The following OPRM1 variants were observed in gnomAD, a reference collection of about 807,000 sequenced individuals.
OPRM1 encodes the protein opioid receptor mu 1.
OPRM1 carries 27 observed loss-of-function variants against 31.8 expected under a neutral mutation model. That is an observed-to-expected ratio of 0.85 (90% confidence interval 0.63 to 1.17). The LOEUF (loss-of-function observed/expected upper bound fraction) is 1.17, where lower values mean the gene tolerates loss of function less well. Ranked by LOEUF, OPRM1 falls within the 50% of genes most tolerant of loss-of-function variation. The pLI is 0.00. For synonymous variants in OPRM1, 196 were observed against 189.9 expected, an observed-to-expected ratio of 1.03 and a Z score of -0.26; for missense variants, 536 against 511.1, an observed-to-expected ratio of 1.05 and a Z score of -0.47.
At chr6:154,133,510 T>C (rs770349720), downstream of OPRM1, among the ~76,000 whole-genome samples, 6 of 152,256 alleles carry the variant, frequency 3.9e-5, no homozygotes, top group Non-Finnish European at 8.8e-5. Context: ...CAGGTACACA[T>C]ATGCATGCAT....
At chr6:154,070,034 T>C (rs1786316937) in intron 1 of OPRM1, among the ~76,000 whole-genome samples, 1 of 152,092 alleles carries the variant, frequency 6.6e-6, no homozygotes, top group South Asian at 2.1e-4. Flanking sequence ...GAAAGAAATT[T>C]GTAATATTCG....
At chr6:154,010,885 T>G in exon 1 of OPRM1, 1 of 1,319,068 alleles carries the variant, frequency 7.6e-7, no homozygotes. Context: ...ATAAATGTAA[T>G]TCTATGAGAA....
rs567855165 is a variant in OPRM1 at position 154,029,380 on chromosome 6, C to T, written c.1-9781C>T. Among the ~76,000 whole-genome samples the T allele has an allele frequency of 2.0e-5, 3 of 152,180 alleles. No homozygotes were observed. The South Asian group carries it at 6.2e-4, about 32-fold the overall frequency. ...TCTAGAAAAACTTGCTGGTTCAGGA[C>T]AAATCTTGAAACTGCCTTCAAAAAA... On this transcript the variant is annotated intron_variant, in intron 1 of 5. Coordinates refer to the OPRM1 transcript ENST00000434900.
rs1223117674 is a variant in OPRM1 at position 154,118,867 on chromosome 6, C to T, written c.*146C>T. 2.0e-6 allele frequency: 3 copies of T among 1,494,534 alleles called. No individual in the cohort carries two copies. Among genetic ancestry groups the T allele is most frequent in the African/African-American group, 1.4e-5 (1 of 71,524 alleles). 92.6% of individuals were successfully genotyped at this position (1,494,534 alleles called of 1,614,324 possible). A position where few individuals can be genotyped will look rare whatever the true frequency, so the allele number is the denominator to read the frequency against. ...ATCCAACCTCTTTCCTCTCTGGCCA[C>T]TCTGCTCTGCACATTAGAGGGACAG... On this transcript the variant is annotated 3_prime_UTR_variant, in exon 4 of 4. Coordinates refer to ENST00000330432, the MANE Select transcript of OPRM1 (RefSeq NM_000914.5).
chr6:154,194,609 C>G (rs776493791), intron 3 of OPRM1, among the ~76,000 whole-genome samples: 5 of 152,156 alleles, frequency 3.3e-5, no homozygotes, highest in Non-Finnish European at 5.9e-5. Context: ...TCACCATCTC[C>G]CATACCTTTG....
At chr6:154,116,709 A>G (rs1796921391) in intron 3 of OPRM1, among the ~76,000 whole-genome samples, 1 of 152,192 alleles carries the variant, frequency 6.6e-6, no homozygotes, top group African/African-American at 2.4e-5. Context: ...TCTCAATGAC[A>G]TAATTTGCAC....
intron 3 of OPRM1, among the ~76,000 whole-genome samples, chr6:154,212,447 G>C (rs1367763615): frequency 6.6e-6 from 1 of 152,066 alleles, no homozygotes; most frequent in Non-Finnish European, 1.5e-5. Flanking sequence ...TTCTTCCTGA[G>C]AAAAAGTAGA....
intron 3 of OPRM1, among the ~76,000 whole-genome samples, chr6:154,194,776 A>C (rs982703810): frequency 6.6e-6 from 1 of 150,396 alleles, no homozygotes; most frequent in Non-Finnish European, 1.5e-5. Flanking sequence ...GCATAACTTC[A>C]TGACAACTCA....
At chr6:154,224,616 CAGG>C (rs1779113946) in intron 3 of OPRM1, among the ~76,000 whole-genome samples, 1 of 152,126 alleles carries the variant, frequency 6.6e-6, no homozygotes, top group East Asian at 1.9e-4. Context: ...GAAGCTGAGG[CAGG>C]AGGTTAGCTT....
At chr6:154,171,116 A>G (rs1344193650) in intron 3 of OPRM1, among the ~76,000 whole-genome samples, 2 of 152,124 alleles carry the variant, frequency 1.3e-5, no homozygotes, top group Non-Finnish European at 2.9e-5. Flanking sequence ...ACTCCTACAT[A>G]AATACCCAAG....
chr6:154,074,774 AAAAC>A (rs1787505593), intron 1 of OPRM1, among the ~76,000 whole-genome samples: 1 of 152,042 alleles, frequency 6.6e-6, no homozygotes, highest in African/African-American at 2.4e-5. Context: ...AAAGAAAAGA[AAAAC>A]AAACAGAAAA....
At chr6:154,089,352 C>T (rs1367725429) in intron 1 of OPRM1, among the ~76,000 whole-genome samples, 2 of 151,848 alleles carry the variant, frequency 1.3e-5, no homozygotes, top group African/African-American at 2.4e-5. Context: ...TTTGGGAGGC[C>T]GAGGAGGGAG....
chr6:154,055,126 G>A (rs924940186), intron 1 of OPRM1, among the ~76,000 whole-genome samples: 1 of 152,234 alleles, frequency 6.6e-6, no homozygotes, highest in African/African-American at 2.4e-5. Flanking sequence ...ATTGGCTCAT[G>A]CCTGTAATCC....
intron 3 of OPRM1, among the ~76,000 whole-genome samples, chr6:154,231,025 C>G (rs1779672300): frequency 6.6e-6 from 1 of 152,166 alleles, no homozygotes; most frequent in Non-Finnish European, 1.5e-5. Flanking sequence ...CTCCATTTCT[C>G]CATATAAATC....
At chr6:154,210,949 TAATCAATA>T (rs1777909559) in intron 3 of OPRM1, among the ~76,000 whole-genome samples, 1 of 152,196 alleles carries the variant, frequency 6.6e-6, no homozygotes, top group Non-Finnish European at 1.5e-5. Flanking sequence ...ATTATTTAAA[TAATCAATA>T]TAATACCTTA....
chr6:154,246,829 T>G, exon 4 of OPRM1: 1 of 1,484,698 alleles, frequency 6.7e-7, no homozygotes, highest in South Asian at 1.4e-5. Context: ...TTATCCTGAT[T>G]TATGTGACAG....
chr6:154,086,875 T>C, intron 1 of OPRM1: 2 of 983,704 alleles, frequency 2.0e-6, no homozygotes, highest in Non-Finnish European at 2.4e-6. Flanking sequence ...GGGAGAAACT[T>C]CTTCTTATTA....
intron 3 of OPRM1, among the ~76,000 whole-genome samples, chr6:154,183,111 C>G (rs1801040951): frequency 6.6e-6 from 1 of 152,078 alleles, no homozygotes; most frequent in African/African-American, 2.4e-5. Flanking sequence ...TCCCCAGTAG[C>G]TGGGATTACA....
At chr6:154,166,842 C>T (rs6941251) in intron 3 of OPRM1, among the ~76,000 whole-genome samples, 94,379 of 152,090 alleles carry the variant, frequency 0.62, 30,024 homozygotes, top group African/African-American at 0.74. Flanking sequence ...TCATCAGCTT[C>T]GTACATACTG....
Sources: allele counts gnomAD v4.1 joint callset (sites outside exome capture counted in the v4.1 genomes callset), GRCh38; gene constraint gnomAD v4.1.1; transcripts MANE v1.5; gene names NCBI Gene and HGNC (gene_info 2026-07-23, HGNC 2026-07-21).